Variants in MLLT11 observed in about 807,000 individuals in gnomAD.
MLLT11 encodes the protein protein AF1q.
Under a neutral mutation model 5.3 loss-of-function variants are expected in MLLT11, and 1 was observed. The observed-to-expected ratio is 0.19, with a 90% CI of 0.07 to 0.89. The LOEUF (loss-of-function observed/expected upper bound fraction) is 0.89, where lower values mean the gene tolerates loss of function less well. MLLT11 is among the 40% of genes least tolerant of loss of function. The pLI is 0.67. For missense variants in MLLT11, 87 were observed against 107.3 expected, an observed-to-expected ratio of 0.81 and a Z score of 0.83; for synonymous variants, 38 against 41.7, an observed-to-expected ratio of 0.91 and a Z score of 0.34.
intron 1 of MLLT11, among the ~76,000 whole-genome samples, chr1:151,066,932 GAAA>G (rs34007069): frequency 1.4e-5 from 2 of 142,538 alleles, no homozygotes; most frequent in Non-Finnish European, 3.0e-5. Context: ...CTCATTGAGA[GAAA>G]AAAAAAAAAA....
At chr1:151,066,613 G>T (rs1676478914) in intron 1 of MLLT11, among the ~76,000 whole-genome samples, 1 of 152,206 alleles carries the variant, frequency 6.6e-6, no homozygotes, top group Non-Finnish European at 1.5e-5. Context: ...GTCATTCCAA[G>T]ATGGGAAGTT....
chr1:151,067,024 T>C, intron 1 of MLLT11, 195 bp from the exon 2 acceptor site: 1 of 479,364 alleles, frequency 2.1e-6, no homozygotes, highest in East Asian at 3.3e-5. Flanking sequence ...TTGGGGATGG[T>C]GAGTTTCTTT....
chr1:151,066,920 G>A (rs192925887), intron 1 of MLLT11, among the ~76,000 whole-genome samples: 6 of 135,144 alleles, frequency 4.4e-5, no homozygotes, highest in East Asian at 2.3e-4. Flanking sequence ...GCAAGACTCC[G>A]TCTCATTGAG....
intron 1 of MLLT11, among the ~76,000 whole-genome samples, chr1:151,065,147 T>C (rs1165338231): frequency 6.6e-6 from 1 of 152,216 alleles, no homozygotes; most frequent in Non-Finnish European, 1.5e-5. Context: ...CATTAGTGAA[T>C]AGCACTTTAA....
intron 1 of MLLT11, among the ~76,000 whole-genome samples, chr1:151,063,225 C>T (rs1676430505): frequency 6.6e-6 from 1 of 152,130 alleles, no homozygotes; most frequent in Non-Finnish European, 1.5e-5. Context: ...TGCCTTAGTA[C>T]AGTCATTTCA....
chr1:151,067,460 T>C lies in MLLT11; in HGVS notation c.236T>C (p.Ile79Thr), dbSNP rs1676490892. 3 of 1,613,960 alleles carry C rather than the reference T, an allele frequency of 1.9e-6. No homozygotes were observed. Among genetic ancestry groups the C allele is most frequent in the Non-Finnish European group, 2.5e-6 (3 of 1,180,014 alleles). ...ACCTTCAACTTCTGGAGAGCTCCCATTGCCAGCATCCACTCCTTCGAACTG... is the reference window on the plus strand; with the variant it reads ...ACCTTCAACTTCTGGAGAGCTCCCACTGCCAGCATCCACTCCTTCGAACTG... Reference protein sequence around the residue: ...YSTFNFWRAPIASIHSFELDL... With the variant: ...YSTFNFWRAPTASIHSFELDL... Residue 79 changes from isoleucine to threonine, a missense_variant, in exon 2 of 2, where the codon ATT becomes ACT. Physicochemically the swap from Ile to Thr is moderately conservative, Grantham distance 89 (BLOSUM62 -1). Transcript: ENST00000368921.
At chr1:151,063,465 G>A (rs1027650365) in intron 1 of MLLT11, among the ~76,000 whole-genome samples, 3 of 151,300 alleles carry the variant, frequency 2.0e-5, no homozygotes, top group Admixed American at 6.6e-5. Flanking sequence ...TTGCTCTTTC[G>A]CCCAGGCTGG....
rs1676484142 is a variant in MLLT11, at chr1:151,067,013, A to G, written c.-6-206A>G. 1.9e-5 allele frequency: 9 copies of G among 461,816 alleles called. No individual in the cohort carries two copies. The South Asian group carries it at 3.2e-4, about 16-fold the overall frequency. 28.6% of individuals were successfully genotyped at this position (461,816 alleles called of 1,614,324 possible). ...GGAACTTGGATTCTCTCCAGAGGCA[A>G]TTGGGGATGGTGAGTTTCTTTTTTT... On this transcript the variant is annotated intron_variant, in intron 1 of 1. Coordinates refer to ENST00000368921, the MANE Select transcript of MLLT11 (RefSeq NM_006818.4).
In MLLT11 at chr1:151,068,784, C is replaced by T. The variant is rs1676512734; in HGVS notation, c.*1287C>T. On this transcript the variant is annotated 3_prime_UTR_variant, in exon 2 of 2. Transcript: ENST00000368921. The stretch of plus-strand genomic sequence containing the variant: ...ATTTTTCATAGAGACGGGGTTTCAC[C>T]ATGTTGGCCAGGCTGGTCTCTAACT... Among the ~76,000 whole-genome samples, 1 of 152,106 alleles carries T rather than the reference C, an allele frequency of 6.6e-6. No homozygotes were observed. Among genetic ancestry groups the T allele is most frequent in the Non-Finnish European group, 1.5e-5 (1 of 68,020 alleles).
At chr1:151,062,130 T>C (rs912335838) in intron 1 of MLLT11, among the ~76,000 whole-genome samples, 2 of 151,984 alleles carry the variant, frequency 1.3e-5, no homozygotes, top group African/African-American at 4.8e-5. Context: ...AACAATCACC[T>C]AAACCACGGA....
In MLLT11 at chr1:151,068,526, A is replaced by G. The variant is rs1676506622; in HGVS notation, c.*1029A>G. ...GAGTCTAATTTTCTCTCTTCACAAGAAAAGCCACAGAAATCTGAGAAATTA... is the reference window on the plus strand; with the variant it reads ...GAGTCTAATTTTCTCTCTTCACAAGGAAAGCCACAGAAATCTGAGAAATTA... On this transcript the variant is annotated 3_prime_UTR_variant, in exon 2 of 2. Transcript: ENST00000368921. The G allele has an allele frequency of 5.0e-6, 1 of 200,310 alleles. No homozygotes were observed. The highest frequency in any genetic ancestry group is 6.2e-5 in the Admixed American group (1 of 16,192). The allele number at this position is 200,310 out of a possible 1,614,324, so 12.4% of individuals were successfully genotyped here. A position where few individuals can be genotyped will look rare whatever the true frequency, so the allele number is the denominator to read the frequency against.
chr1:151,063,958 C>T (rs1336405540), intron 1 of MLLT11, among the ~76,000 whole-genome samples: 5 of 152,290 alleles, frequency 3.3e-5, no homozygotes, highest in African/African-American at 7.2e-5. Flanking sequence ...TCAGTATACT[C>T]GAGCACTGGG....
At chr1:151,065,090 A>G (rs1676458372) in intron 1 of MLLT11, among the ~76,000 whole-genome samples, 1 of 152,196 alleles carries the variant, frequency 6.6e-6, no homozygotes, top group Non-Finnish European at 1.5e-5. Flanking sequence ...GGAGTATTTG[A>G]TAATTAAATC....
rs1242452861 is a variant in MLLT11, at chr1:151,068,348, C to T, written c.*851C>T. The T allele has an allele frequency of 4.4e-6, 1 of 226,042 alleles. No individual in the cohort carries two copies. The highest frequency in any genetic ancestry group is 9.6e-6 in the Non-Finnish European group (1 of 104,120). The allele number at this position is 226,042 out of a possible 1,614,324, so 14.0% of individuals were successfully genotyped here. On this transcript the variant is annotated 3_prime_UTR_variant, in exon 2 of 2. Coordinates refer to ENST00000368921, the MANE Select transcript of MLLT11 (RefSeq NM_006818.4). ...TGCATTTGCAATACGTAATACTGAT[C>T]AGTGGGCACAGTTCTTCAGCTACAT...
At chr1:151,063,723 C>A (rs929371547) in intron 1 of MLLT11, among the ~76,000 whole-genome samples, 3 of 152,220 alleles carry the variant, frequency 2.0e-5, no homozygotes, top group Non-Finnish European at 4.4e-5. Flanking sequence ...CCACGCCCGA[C>A]CACAACTAAT....
At chr1:151,060,588 A>C (rs987298644) in intron 1 of MLLT11, 35 bp downstream of exon 1, 1 of 152,420 alleles carries the variant, frequency 6.6e-6, no homozygotes, top group Admixed American at 6.5e-5. Context: ...AGGGGGCTGC[A>C]AAGATAGAAG....
rs932901204 is a variant in MLLT11 at position 151,067,999 on chromosome 1, C to CT, written c.*510dup. The CT allele has an allele frequency of 2.0e-4, 49 of 243,842 alleles. No homozygotes were observed. Among genetic ancestry groups the CT allele is most frequent in the Middle Eastern group, 2.6e-3 (2 of 776 alleles). The allele number at this position is 243,842 out of a possible 1,614,324, so 15.1% of individuals were successfully genotyped here. On this transcript the variant is annotated 3_prime_UTR_variant, in exon 2 of 2. Transcript: ENST00000368921. ...AAAGGCTAAAGTGATAAGTCTCTTG[C>CT]TTTTTTTTGATCCTGCTCTTATATT...
chr1:151,062,519 C>A (rs1417905229), intron 1 of MLLT11, among the ~76,000 whole-genome samples: 1 of 152,022 alleles, frequency 6.6e-6, no homozygotes, highest in East Asian at 1.9e-4. Context: ...CCTGCCACCA[C>A]ACCTGGCTAA....
chr1:151,068,894 C>G lies in MLLT11; in HGVS notation c.*1397C>G, dbSNP rs1270116098. 6.6e-6 allele frequency among the ~76,000 whole-genome samples: 1 copy of G among 152,118 alleles called. No individual in the cohort carries two copies. The highest frequency in any genetic ancestry group is 6.6e-5 in the Admixed American group (1 of 15,254). ...GCCACTGAGCCCGGCCTCATTTTAT[C>G]TTTCTATAATAATATTCAACTTAGA... On this transcript the variant is annotated 3_prime_UTR_variant, in exon 2 of 2. Coordinates refer to ENST00000368921, the MANE Select transcript of MLLT11 (RefSeq NM_006818.4).
Sources: allele counts gnomAD v4.1 joint callset (sites outside exome capture counted in the v4.1 genomes callset), GRCh38; gene constraint gnomAD v4.1.1; transcripts MANE v1.5; gene names NCBI Gene and HGNC (gene_info 2026-07-23, HGNC 2026-07-21).